The following TMEM131 variants were observed in gnomAD, a reference collection of about 807,000 sequenced individuals.
The protein encoded by TMEM131 is transmembrane protein 131, also known as 2610524E03Rik.
Under a neutral mutation model 211.6 loss-of-function variants are expected in TMEM131, and 66 were observed. That is an observed-to-expected ratio of 0.31 (90% confidence interval 0.26 to 0.38). The LOEUF is 0.38. Among genes scored for constraint, TMEM131 ranks in the 10% least tolerant of loss-of-function variants. TMEM131 has a pLI of 1.00. For missense variants in TMEM131, 2,036 were observed against 2,299.3 expected (o/e 0.89, Z 2.34); for synonymous variants, 844 against 841.3 (o/e 1.00, Z -0.06).
chr2:97,765,871 T>G (rs1679136374), intron 35 of TMEM131, among the ~76,000 whole-genome samples: 1 of 151,002 alleles, frequency 6.6e-6, no homozygotes, highest in Non-Finnish European at 1.5e-5. Context: ...ACCAGCTCCC[T>G]GAAAAAAAAA....
At chr2:97,906,801 G>A (rs971792308) in intron 3 of TMEM131, among the ~76,000 whole-genome samples, 1 of 152,196 alleles carries the variant, frequency 6.6e-6, no homozygotes, top group Admixed American at 6.5e-5. Flanking sequence ...TCATGGAGAA[G>A]AGACAAGCTG....
At chr2:97,987,044 A>G (rs968949386) in intron 1 of TMEM131, among the ~76,000 whole-genome samples, 3 of 152,192 alleles carry the variant, frequency 2.0e-5, no homozygotes, top group Non-Finnish European at 2.9e-5. Flanking sequence ...ACAAACCACT[A>G]ATTAACCTGA....
chr2:97,971,030 AACT>A (rs774946102), intron 1 of TMEM131, among the ~76,000 whole-genome samples: 19 of 152,224 alleles, frequency 1.2e-4, no homozygotes, highest in Non-Finnish European at 2.5e-4. Context: ...GGCTTAAATA[AACT>A]ACTACTTTAG....
chr2:97,903,669 C>T (rs1167794018), intron 3 of TMEM131, among the ~76,000 whole-genome samples: 1 of 151,920 alleles, frequency 6.6e-6, no homozygotes, highest in Non-Finnish European at 1.5e-5. Context: ...TCAGAAAACT[C>T]TAGCTGGGTT....
chr2:97,989,691 C>T (rs904686455), intron 1 of TMEM131, among the ~76,000 whole-genome samples: 1 of 152,132 alleles, frequency 6.6e-6, no homozygotes, highest in Non-Finnish European at 1.5e-5. Flanking sequence ...TCATGACTGA[C>T]CATCTAAAAG....
At chr2:97,873,049 A>T (rs186737102) in intron 4 of TMEM131, among the ~76,000 whole-genome samples, 17 of 152,240 alleles carry the variant, frequency 1.1e-4, no homozygotes, top group Non-Finnish European at 1.8e-4. Context: ...GTGACAATGG[A>T]GCTTGGTGGG....
chr2:97,897,737 G>A (rs1268321039), intron 3 of TMEM131, among the ~76,000 whole-genome samples: 2 of 151,950 alleles, frequency 1.3e-5, no homozygotes, highest in Non-Finnish European at 2.9e-5. Flanking sequence ...CTCATAAAAC[G>A]TGTAAGGAAG....
chr2:97,776,027 A>G lies in TMEM131; in HGVS notation c.4145-9T>C. 2.5e-6 allele frequency: 4 copies of G among 1,596,204 alleles called. No homozygotes were observed. Among genetic ancestry groups the G allele is most frequent in the South Asian group, 2.3e-5 (2 of 86,612 alleles). ...AAGAGGTTTTCCTTTCCCTGAGGAT[A>G]AAAATTAAAGTAAAAGAACTCTTGT... On this transcript the variant is annotated splice_polypyrimidine_tract_variant and intron_variant, in intron 31 of 40. Transcript: ENST00000186436.
intron 1 of TMEM131, among the ~76,000 whole-genome samples, chr2:97,976,225 G>C (rs1281410782): frequency 6.6e-6 from 1 of 152,068 alleles, no homozygotes; most frequent in African/African-American, 2.4e-5. Flanking sequence ...AAGCAAAACA[G>C]AAGGTATCCA....
chr2:97,992,398 A>G (rs1680306540), intron 1 of TMEM131, among the ~76,000 whole-genome samples: 1 of 152,238 alleles, frequency 6.6e-6, no homozygotes, highest in East Asian at 1.9e-4. Context: ...ATGAAACTAT[A>G]GTACACTGGC....
At chr2:97,925,149 G>T (rs970690721) in intron 2 of TMEM131, among the ~76,000 whole-genome samples, 1 of 152,146 alleles carries the variant, frequency 6.6e-6, no homozygotes, top group African/African-American at 2.4e-5. Context: ...TGGGATTACA[G>T]GCGTGAACCA....
At chr2:97,818,823 C>G (rs1044095897) in intron 11 of TMEM131, 102 bp from the exon 12 acceptor site, 3 of 715,572 alleles carry the variant, frequency 4.2e-6, no homozygotes, top group Non-Finnish European at 6.7e-6. Context: ...AAAGTGGACT[C>G]TAAATTTGAA....
chr2:97,798,292 G>A (rs867868432), intron 25 of TMEM131, among the ~76,000 whole-genome samples: 1 of 152,206 alleles, frequency 6.6e-6, no homozygotes, highest in South Asian at 2.1e-4. Flanking sequence ...TGGTTTTTAA[G>A]CAACATTAAG....
At position 97,775,986 on chromosome 2, in the gene TMEM131, G is replaced by C. The variant is rs778663547; in HGVS notation, c.4177C>G (p.Pro1393Ala). The C allele has an allele frequency of 6.2e-7, 1 of 1,613,758 alleles. No homozygotes were observed. The highest frequency in any genetic ancestry group is 2.2e-5 in the East Asian group (1 of 44,862). The change falls in exon 32 of 41, where the codon CCA becomes GCA. Residue 1393 changes from proline (P) to alanine (A), a missense_variant. By Grantham distance (27) the Pro-to-Ala change is conservative. This residue lies in a region of TMEM131 where 1,623 missense variants were observed against 1,805.9 expected (regional missense o/e 0.90). Transcript: ENST00000186436. ...KGKPLQRKVK[P>A]PKKQEEKEKK... ...TCCTTTTCCTCTTGCTTCTTAGGTG[G>C]TTTCACCTTGCGCTGAAGAGGTTTT...
chr2:97,980,377 T>A (rs1359464801), intron 1 of TMEM131, among the ~76,000 whole-genome samples: 1 of 152,194 alleles, frequency 6.6e-6, no homozygotes, highest in Non-Finnish European at 1.5e-5. Context: ...GAAATGCCTG[T>A]ACCACTACAC....
chr2:97,964,991 T>C (rs1179160544), intron 1 of TMEM131, among the ~76,000 whole-genome samples: 1 of 152,206 alleles, frequency 6.6e-6, no homozygotes, highest in South Asian at 2.1e-4. Flanking sequence ...CTGGGAGCCA[T>C]GGGCGGCCTC....
chr2:97,983,652 G>A (rs546192753), intron 1 of TMEM131, among the ~76,000 whole-genome samples: 68 of 152,108 alleles, frequency 4.5e-4, no homozygotes, highest in African/African-American at 1.6e-3. Flanking sequence ...CAATAAATAC[G>A]AAAGGACTGT....
chr2:97,812,768 A>C lies in TMEM131; in HGVS notation c.1618-19T>G. 3.6e-6 allele frequency: 5 copies of C among 1,380,858 alleles called. No homozygotes were observed. Among genetic ancestry groups the C allele is most frequent in the Non-Finnish European group, 5.0e-6 (5 of 1,008,158 alleles). The allele number at this position is 1,380,858 out of a possible 1,614,324, so 85.5% of individuals were successfully genotyped here. On this transcript the variant is annotated intron_variant, in intron 15 of 40. Coordinates refer to ENST00000186436, the MANE Select transcript of TMEM131 (RefSeq NM_015348.2). ...CAAAGTACTGGAAAGATATAAAAGAACCAGATTAAAAAAAAGTCACATTGA... is the reference window on the plus strand; with the variant it reads ...CAAAGTACTGGAAAGATATAAAAGACCCAGATTAAAAAAAAGTCACATTGA...
chr2:97,859,760 A>G (rs1673990489), intron 4 of TMEM131, among the ~76,000 whole-genome samples: 1 of 152,172 alleles, frequency 6.6e-6, no homozygotes, highest in African/African-American at 2.4e-5. Context: ...CCTCCTACCA[A>G]TTGTGTCCTC....
Sources: gnomAD v4.1 joint callset for allele counts (sites outside exome capture counted in the v4.1 genomes callset) on GRCh38, gnomAD v4.1.1 for gene constraint, gnomAD v4.1.1 regional missense constraint, MANE v1.5 for transcripts, NCBI Gene and HGNC (gene_info 2026-07-23, HGNC 2026-07-21) for gene names.